Variants in LRRC4C observed in about 807,000 individuals in gnomAD.
The protein encoded by LRRC4C is leucine rich repeat containing 4C.
Under a neutral mutation model 33.6 loss-of-function variants are expected in LRRC4C, and 5 were observed. The observed-to-expected ratio is 0.15, with a 90% CI of 0.08 to 0.31. The LOEUF is 0.31. LRRC4C is among the 10% of genes least tolerant of loss of function. The pLI, the probability that LRRC4C is intolerant of heterozygous loss-of-function variation, is 1.00. For missense variants in LRRC4C, 560 were observed against 796.7 expected (o/e 0.70, Z 3.58); for synonymous variants, 329 against 302.0 (o/e 1.09, Z -0.93).
At chr11:41,353,561 T>C (rs1360175956) in intron 1 of LRRC4C, among the ~76,000 whole-genome samples, 1 of 151,812 alleles carries the variant, frequency 6.6e-6, no homozygotes, top group Non-Finnish European at 1.5e-5. Context: ...CTGGAAGTGA[T>C]AGAATTAAAA....
intron 2 of LRRC4C, among the ~76,000 whole-genome samples, chr11:40,707,110 G>A (rs924529670): frequency 6.6e-6 from 1 of 152,088 alleles, no homozygotes; most frequent in Non-Finnish European, 1.5e-5. Context: ...GGAGATTTTG[G>A]GCTGAGACGA....
chr11:41,073,950 A>G (rs1004350332), intron 1 of LRRC4C, among the ~76,000 whole-genome samples: 12 of 152,172 alleles, frequency 7.9e-5, no homozygotes, highest in African/African-American at 2.7e-4. Flanking sequence ...GATATCTTGC[A>G]TTGTTTTAGT....
intron 1 of LRRC4C, among the ~76,000 whole-genome samples, chr11:41,029,058 T>C (rs1201312856): frequency 6.6e-6 from 1 of 151,800 alleles, no homozygotes; most frequent in Non-Finnish European, 1.5e-5. Flanking sequence ...ATTAGCTGTT[T>C]GTTTTATCCA....
At chr11:41,364,765 T>C (rs1005110438) in intron 1 of LRRC4C, among the ~76,000 whole-genome samples, 1 of 152,130 alleles carries the variant, frequency 6.6e-6, no homozygotes, top group Admixed American at 6.5e-5. Flanking sequence ...TGTGTCTGAG[T>C]CAAAATGAAC....
chr11:41,271,397 C>T (rs1187086700), intron 1 of LRRC4C, among the ~76,000 whole-genome samples: 1 of 152,072 alleles, frequency 6.6e-6, no homozygotes, highest in Admixed American at 6.6e-5. Flanking sequence ...CAGTCCTCTC[C>T]TTCTCATTCA....
At chr11:40,742,813 G>A (rs888169185) in intron 2 of LRRC4C, among the ~76,000 whole-genome samples, 1 of 151,938 alleles carries the variant, frequency 6.6e-6, no homozygotes, top group Non-Finnish European at 1.5e-5. Flanking sequence ...GAGCCTCTTT[G>A]TAATGAGATA....
intron 3 of LRRC4C, among the ~76,000 whole-genome samples, chr11:40,320,192 T>C (rs1048448682): frequency 6.6e-6 from 1 of 152,134 alleles, no homozygotes; most frequent in Admixed American, 6.6e-5. Flanking sequence ...TCAACTCTAA[T>C]AGCTGAAACT....
intron 3 of LRRC4C, among the ~76,000 whole-genome samples, chr11:40,620,927 C>A (rs773922444): frequency 2.0e-5 from 3 of 151,652 alleles, no homozygotes; most frequent in Non-Finnish European, 3.0e-5. Flanking sequence ...GAGAATGCAG[C>A]GTCTAGAAGG....
intron 2 of LRRC4C, among the ~76,000 whole-genome samples, chr11:40,796,141 C>A (rs1316935810): frequency 6.6e-6 from 1 of 152,102 alleles, no homozygotes; most frequent in Non-Finnish European, 1.5e-5. Context: ...AATATGTTCA[C>A]CTAAACAGTA....
At chr11:41,303,699 C>G (rs1021361907) in intron 1 of LRRC4C, among the ~76,000 whole-genome samples, 1 of 17,930 alleles carries the variant, frequency 5.6e-5, no homozygotes, top group Non-Finnish European at 1.4e-4. Flanking sequence ...TCTGCCCGGC[C>G]GCCCATCGTC....
chr11:40,652,846 A>C (rs2136159786), intron 2 of LRRC4C, among the ~76,000 whole-genome samples: 1 of 152,292 alleles, frequency 6.6e-6, no homozygotes, highest in South Asian at 2.1e-4. Context: ...CTCTGCCCAA[A>C]TCACCTTGAT....
intron 2 of LRRC4C, among the ~76,000 whole-genome samples, chr11:40,920,338 A>G (rs1294934152): frequency 6.6e-6 from 1 of 152,182 alleles, no homozygotes; most frequent in East Asian, 1.9e-4. Context: ...TGACACATTC[A>G]GCAGATGTGG....
At chr11:40,802,105 C>T (rs1266281169) in intron 2 of LRRC4C, among the ~76,000 whole-genome samples, 2 of 152,204 alleles carry the variant, frequency 1.3e-5, no homozygotes, top group African/African-American at 4.8e-5. Context: ...CTTCTTCTGT[C>T]CTTCCCTAGT....
At chr11:41,098,850 T>G (rs1590568157) in intron 1 of LRRC4C, among the ~76,000 whole-genome samples, 1 of 151,784 alleles carries the variant, frequency 6.6e-6, no homozygotes, top group African/African-American at 2.4e-5. Context: ...AGAGCTGAAC[T>G]GAAGGAAATT....
intron 3 of LRRC4C, among the ~76,000 whole-genome samples, chr11:40,382,520 CTCTT>C (rs756672331): frequency 1.3e-4 from 19 of 151,502 alleles, no homozygotes; most frequent in Non-Finnish European, 1.9e-4. Flanking sequence ...TCCTCCAACC[CTCTT>C]TATTTATTAT....
At chr11:40,145,859 G>A (rs540930110) in intron 5 of LRRC4C, among the ~76,000 whole-genome samples, 17 of 152,138 alleles carry the variant, frequency 1.1e-4, no homozygotes, top group African/African-American at 1.7e-4. Context: ...TAATCAGTGC[G>A]TTGTCACTGC....
At chr11:41,255,089 A>C (rs1213138520) in intron 1 of LRRC4C, among the ~76,000 whole-genome samples, 1 of 152,018 alleles carries the variant, frequency 6.6e-6, no homozygotes, top group African/African-American at 2.4e-5. Context: ...AGGTAATGCA[A>C]GTTAGAATAC....
At chr11:41,105,552 C>T (rs979312718) in intron 1 of LRRC4C, among the ~76,000 whole-genome samples, 6 of 151,948 alleles carry the variant, frequency 3.9e-5, no homozygotes, top group Middle Eastern at 3.2e-3. Context: ...GAATTAAAAT[C>T]TATACAATAA....
intron 2 of LRRC4C, among the ~76,000 whole-genome samples, chr11:40,776,517 T>C (rs1001332059): frequency 6.6e-6 from 1 of 152,148 alleles, no homozygotes; most frequent in African/African-American, 2.4e-5. Context: ...TTTCTTTGCA[T>C]AGAGGTGTTC....
Sources: allele counts gnomAD v4.1 joint callset (sites outside exome capture counted in the v4.1 genomes callset), GRCh38; gene constraint gnomAD v4.1.1; transcripts MANE v1.5; gene names NCBI Gene and HGNC (gene_info 2026-07-23, HGNC 2026-07-21).